USP54: variants seen among roughly 807,000 people sequenced by gnomAD.
The protein encoded by USP54 is ubiquitin carboxyl-terminal hydrolase 54.
Under a neutral mutation model 170.5 loss-of-function variants are expected in USP54, and 87 were observed. The ratio of observed to expected loss-of-function variants is 0.51; its 90% CI spans 0.43 to 0.61. The LOEUF is 0.61. Among genes scored for constraint, USP54 ranks in the 20% least tolerant of loss-of-function variants. The pLI, the probability that USP54 is intolerant of heterozygous loss-of-function variation, is 0.00. For synonymous variants in USP54, 655 were observed against 742.8 expected (o/e 0.88, Z 1.92); for missense variants, 1,786 against 2,047.8 (o/e 0.87, Z 2.47).
intron 3 of USP54, among the ~76,000 whole-genome samples, chr10:73,574,102 C>T (rs995044960): frequency 3.3e-5 from 5 of 152,146 alleles, no homozygotes; most frequent in African/African-American, 1.2e-4. Context: ...AAAGTAATTA[C>T]TTGAAAGTTA....
intron 4 of USP54, among the ~76,000 whole-genome samples, chr10:73,555,724 A>T (rs2070791918): frequency 6.6e-6 from 1 of 152,232 alleles, no homozygotes. Flanking sequence ...TTGAGAATAC[A>T]TAACCACTTA....
rs1554883831 is a variant in USP54, at chr10:73,541,618, C to T, written c.678+15G>A. 3 of 1,614,008 alleles carry T rather than the reference C, an allele frequency of 1.9e-6. No individual in the cohort carries two copies. Among genetic ancestry groups the T allele is most frequent in the East Asian group, 2.2e-5 (1 of 44,884 alleles). ...TCCCTTTCCCACTCCAAACCCCACC[C>T]CTGATTTAACTCACTGGACAGTTCC... is the stretch of plus-strand genomic sequence containing the variant. On this transcript the variant is annotated intron_variant, in intron 8 of 23. Transcript: ENST00000687698.
chr10:73,569,902 CAAAAAAAAAAAAAAAAAAAAAAAAAAAA>C (rs34676499), intron 4 of USP54, among the ~76,000 whole-genome samples: 5 of 18,716 alleles, frequency 2.7e-4, no homozygotes, highest in African/African-American at 4.5e-4. Flanking sequence ...ATTTCATCTC[CAAAAAAAAAAAAAAAAAAAAAAAAAAAA>C]AAAAAAAAAA....
chr10:73,513,781 T>C (rs936937294), intron 20 of USP54, among the ~76,000 whole-genome samples: 1 of 152,150 alleles, frequency 6.6e-6, no homozygotes, highest in East Asian at 1.9e-4. Context: ...CTACCTGCAA[T>C]GAAAAATGTT....
intron 5 of USP54, 62 bp from the exon 6 acceptor site, chr10:73,543,193 G>A: frequency 8.3e-7 from 1 of 1,210,310 alleles, no homozygotes; most frequent in Non-Finnish European, 1.2e-6. Context: ...ACATAAATTG[G>A]TAAGCAGCTT....
At chr10:73,523,173 T>C (rs1471127354) in intron 17 of USP54, among the ~76,000 whole-genome samples, 1 of 152,240 alleles carries the variant, frequency 6.6e-6, no homozygotes, top group Non-Finnish European at 1.5e-5. Flanking sequence ...TGCTCCTGTT[T>C]GGCAGATCCA....
intron 10 of USP54, 59 bp from the exon 11 acceptor site, chr10:73,536,496 CAT>C: frequency 2.8e-6 from 4 of 1,438,740 alleles, no homozygotes; most frequent in Non-Finnish European, 3.7e-6. Context: ...CAATTCACAA[CAT>C]ATCTTTCTGT....
At chr10:73,566,517 G>C (rs1461220679) in intron 4 of USP54, among the ~76,000 whole-genome samples, 1 of 151,974 alleles carries the variant, frequency 6.6e-6, no homozygotes, top group Non-Finnish European at 1.5e-5. Context: ...TGGATCACAA[G>C]GTCAAGAGTT....
upstream of USP54, among the ~76,000 whole-genome samples, chr10:73,592,409 T>C (rs146345362): frequency 1.4e-4 from 21 of 151,684 alleles, no homozygotes; most frequent in African/African-American, 4.4e-4. Flanking sequence ...AATTAAGCTC[T>C]TACATTTTAA....
chr10:73,542,698 T>A, intron 7 of USP54, 105 bp downstream of exon 7: 1 of 1,182,426 alleles, frequency 8.5e-7, no homozygotes, highest in Non-Finnish European at 1.2e-6. Context: ...GCCACTGCAC[T>A]GCAGCCTGGG....
chr10:73,593,814 T>C (rs541639131), upstream of USP54, among the ~76,000 whole-genome samples: 24 of 152,202 alleles, frequency 1.6e-4, no homozygotes, highest in Non-Finnish European at 3.2e-4. Context: ...AGCTTTTCAT[T>C]ATTGGTTTCT....
chr10:73,506,003 T>C (rs1019687533), intron 20 of USP54: 1 of 152,262 alleles, frequency 6.6e-6, no homozygotes, highest in African/African-American at 2.4e-5. Context: ...GAGGAAAGTA[T>C]CTAACACAGT....
At chr10:73,609,497 A>C (rs1297699798) in intron 1 of USP54, among the ~76,000 whole-genome samples, 1 of 151,896 alleles carries the variant, frequency 6.6e-6, no homozygotes, top group Non-Finnish European at 1.5e-5. Context: ...GAATCACTTG[A>C]GGTCAGGAGT....
At chr10:73,595,186 A>G (rs2078629530), upstream of USP54, among the ~76,000 whole-genome samples, 1 of 141,418 alleles carries the variant, frequency 7.1e-6, no homozygotes, top group African/African-American at 2.8e-5. Flanking sequence ...TCAGCCTCCC[A>G]AAGTGCTGGG....
At chr10:73,567,163 GCCA>G (rs2074040995) in intron 4 of USP54, among the ~76,000 whole-genome samples, 1 of 152,024 alleles carries the variant, frequency 6.6e-6, no homozygotes, top group Non-Finnish European at 1.5e-5. Context: ...ACAGGCGTGA[GCCA>G]CCACATCCTG....
chr10:73,559,124 A>C (rs1435736797), intron 4 of USP54, among the ~76,000 whole-genome samples: 1 of 152,222 alleles, frequency 6.6e-6, no homozygotes, highest in Non-Finnish European at 1.5e-5. Context: ...CAAAACTACA[A>C]AACAAGAATT....
chr10:73,558,648 T>C (rs1001372223), intron 4 of USP54, among the ~76,000 whole-genome samples: 4 of 152,180 alleles, frequency 2.6e-5, no homozygotes, highest in Non-Finnish European at 5.9e-5. Flanking sequence ...GTGTTTCCTT[T>C]TGTCCTTACC....
At chr10:73,617,264 G>A (rs2132340159) in intron 1 of USP54, among the ~76,000 whole-genome samples, 1 of 149,728 alleles carries the variant, frequency 6.7e-6, no homozygotes, top group Non-Finnish European at 1.5e-5. Flanking sequence ...CCATTGCACT[G>A]CAGCCTGGGC....
intron 1 of USP54, among the ~76,000 whole-genome samples, chr10:73,613,254 C>T (rs2080307607): frequency 6.6e-6 from 1 of 150,748 alleles, no homozygotes; most frequent in South Asian, 2.1e-4. Context: ...GCCTCAGCAT[C>T]CGGAGTAGCT....
Sources: gnomAD v4.1 joint callset for allele counts (sites outside exome capture counted in the v4.1 genomes callset) on GRCh38, gnomAD v4.1.1 for gene constraint, MANE v1.5 for transcripts, NCBI Gene and HGNC (gene_info 2026-07-23, HGNC 2026-07-21) for gene names.